LAP3: variants seen among roughly 807,000 people sequenced by gnomAD.
The protein encoded by LAP3 is cytosol aminopeptidase.
A neutral mutation model predicts 58.8 loss-of-function variants in LAP3; 46 were observed. That is an observed-to-expected ratio of 0.78 (90% CI 0.62 to 1.00). LAP3 has a LOEUF of 1.00. Among genes scored for constraint, LAP3 ranks in the 50% least tolerant of loss-of-function variants. The probability of loss-of-function intolerance (pLI) is 0.00; values close to 1 mark genes in which losing one functional copy is unlikely to be tolerated. For missense variants in LAP3, 615 were observed against 659.1 expected (o/e 0.93, Z 0.73); for synonymous variants, 257 against 237.7 (o/e 1.08, Z -0.75).
intron 9 of LAP3, 70 bp downstream of exon 9, chr4:17,597,204 A>G (rs1713852798): frequency 1.6e-6 from 2 of 1,280,696 alleles, no homozygotes; most frequent in Non-Finnish European, 2.3e-6. Flanking sequence ...CCACATAACC[A>G]CAGCTAGGAT....
At chr4:17,601,723 C>T (rs1483031548) in intron 10 of LAP3, among the ~76,000 whole-genome samples, 1 of 152,078 alleles carries the variant, frequency 6.6e-6, no homozygotes, top group Admixed American at 6.5e-5. Context: ...ATTAGTTATA[C>T]TGCCTAATAC....
At chr4:17,577,701 T>G (rs1218757130) in intron 1 of LAP3, 134 bp downstream of exon 1, 1 of 670,592 alleles carries the variant, frequency 1.5e-6, no homozygotes, top group Non-Finnish European at 2.5e-6. Context: ...AAAGAAAAAT[T>G]CTCTCCTTGC....
intron 10 of LAP3, among the ~76,000 whole-genome samples, chr4:17,598,850 C>T (rs556415321): frequency 6.6e-6 from 1 of 152,092 alleles, no homozygotes; most frequent in African/African-American, 2.4e-5. Context: ...GATTCTCCTG[C>T]CTCAGCCTCC....
rs1218028995 is a variant in LAP3, at chr4:17,597,048, C to T, written c.991C>T (p.Leu331=). ...CCTTCATATATTATTTCCAATAGGT[C>T]TGGCCCCTCTTTGTGAAAATATGCC... is the stretch of plus-strand genomic sequence containing the variant. ...KLNLPINIIG[L]APLCENMPSG... Residue 331 remains leucine (L), a splice_region_variant and synonymous_variant, in exon 9 of 13, where the codon CTG becomes TTG. Transcript: ENST00000226299. The T allele has an allele frequency of 6.2e-7, 1 of 1,614,162 alleles. No homozygotes were observed. The highest frequency in any genetic ancestry group is 1.1e-5 in the South Asian group (1 of 91,082).
chr4:17,605,751 T>A (rs1714111532), intron 11 of LAP3, among the ~76,000 whole-genome samples: 1 of 152,072 alleles, frequency 6.6e-6, no homozygotes, highest in African/African-American at 2.4e-5. Flanking sequence ...ATAACCGTTA[T>A]CCCTCTCTTT....
intron 4 of LAP3, chr4:17,582,670 C>G (rs1713395083): frequency 6.9e-6 from 2 of 289,726 alleles, no homozygotes; most frequent in African/African-American, 4.5e-5. Flanking sequence ...CTGTGTTTTC[C>G]CAGAACCTGT....
At chr4:17,583,995 T>C (rs1713436278) in intron 5 of LAP3, among the ~76,000 whole-genome samples, 1 of 152,256 alleles carries the variant, frequency 6.6e-6, no homozygotes, top group Non-Finnish European at 1.5e-5. Flanking sequence ...GCTGGCCTTG[T>C]GCTAAATGCA....
chr4:17,588,799 T>TC lies in LAP3; in HGVS notation c.705-17dup, dbSNP rs1713598300. On this transcript the variant is annotated intron_variant, in intron 6 of 12. Transcript: ENST00000226299. ...TAAAGGTAACAGTATATTTACTTTTTCCCTCTTTCTACCCTATAGACCCAA... is the reference window on the plus strand; with the variant it reads ...TAAAGGTAACAGTATATTTACTTTTTCCCCTCTTTCTACCCTATAGACCCAA... The TC allele has an allele frequency of 1.3e-6, 2 of 1,593,002 alleles. No homozygotes were observed. The highest frequency in any genetic ancestry group is 2.2e-5 in the South Asian group (2 of 89,406).
At position 17,588,934 on chromosome 4, in the gene LAP3, G is replaced by T. The variant is rs752655007; in HGVS notation, c.820G>T (p.Glu274Ter). 6.2e-7 allele frequency: 1 copy of T among 1,614,128 alleles called. No homozygotes were observed. The highest frequency in any genetic ancestry group is 1.7e-5 in the Admixed American group (1 of 60,026). Residue 274 changes from glutamate (E) to a stop codon, truncating the protein, a stop_gained, in exon 7 of 13, where the codon GAA becomes TAA. Transcript: ENST00000226299. LOFTEE classifies it high-confidence loss of function. ...IHYKGSPNANEPPLVFVGKGI... is the reference protein window; with the variant it reads ...IHYKGSPNAN ...CTACAAAGGCAGCCCCAATGCAAAC[G>T]AACCACCCCTGGTGTTTGTTGGGAA...
intron 5 of LAP3, among the ~76,000 whole-genome samples, chr4:17,584,443 C>G (rs1713450455): frequency 6.6e-6 from 1 of 152,200 alleles, no homozygotes; most frequent in Non-Finnish European, 1.5e-5. Context: ...GAAACACGTG[C>G]CTGTATCCTT....
At chr4:17,592,480 G>A (rs562628019) in intron 7 of LAP3, among the ~76,000 whole-genome samples, 4 of 152,304 alleles carry the variant, frequency 2.6e-5, no homozygotes, top group South Asian at 2.1e-4. Flanking sequence ...GTGGAAATTT[G>A]TGTTGTTTCC....
At chr4:17,582,012 T>A in intron 3 of LAP3, 198 bp downstream of exon 3, 1 of 598,792 alleles carries the variant, frequency 1.7e-6, no homozygotes, top group Non-Finnish European at 2.9e-6. Flanking sequence ...ATCTGAAGGC[T>A]TTCTTTATCC....
At chr4:17,585,356 G>T (rs985480221) in intron 6 of LAP3, 6 of 413,452 alleles carry the variant, frequency 1.5e-5, no homozygotes, top group Non-Finnish European at 2.7e-5. Flanking sequence ...TACTATGTAT[G>T]TGTATATTTC....
chr4:17,583,759 C>A, intron 5 of LAP3, 117 bp downstream of exon 5: 1 of 1,064,910 alleles, frequency 9.4e-7, no homozygotes, highest in Non-Finnish European at 1.4e-6. Flanking sequence ...TTGGCTGTGA[C>A]CTCCCCATTG....
intron 1 of LAP3, among the ~76,000 whole-genome samples, chr4:17,578,805 C>A (rs1257581578): frequency 6.6e-6 from 1 of 152,132 alleles, no homozygotes; most frequent in Non-Finnish European, 1.5e-5. Flanking sequence ...TCTACCCTCC[C>A]TAGGAAGTTG....
chr4:17,580,253 C>T (rs1328299882), intron 2 of LAP3, among the ~76,000 whole-genome samples: 1 of 135,930 alleles, frequency 7.4e-6, no homozygotes, highest in Non-Finnish European at 1.5e-5. Flanking sequence ...TCCCTGGCCT[C>T]AAGTGATCTG....
At chr4:17,585,782 A>G (rs1181016460) in intron 6 of LAP3, 1 of 152,294 alleles carries the variant, frequency 6.6e-6, no homozygotes, top group African/African-American at 2.4e-5. Context: ...GAACATTTTC[A>G]TAACCCCCAA....
chr4:17,599,600 A>G (rs1322888472), intron 10 of LAP3, among the ~76,000 whole-genome samples: 2 of 152,192 alleles, frequency 1.3e-5, no homozygotes, highest in Non-Finnish European at 2.9e-5. Flanking sequence ...ACCATTTGAT[A>G]CAGATCTGAA....
intron 7 of LAP3, among the ~76,000 whole-genome samples, chr4:17,589,290 G>C (rs1331909543): frequency 6.6e-6 from 1 of 151,948 alleles, no homozygotes; most frequent in Non-Finnish European, 1.5e-5. Context: ...TGAACTCTTG[G>C]CCTCAAGTGA....
Sources: gnomAD v4.1 joint callset for allele counts (sites outside exome capture counted in the v4.1 genomes callset) on GRCh38, gnomAD v4.1.1 for gene constraint, MANE v1.5 for transcripts, NCBI Gene and HGNC (gene_info 2026-07-23, HGNC 2026-07-21) for gene names.